ULK4: variants seen among roughly 807,000 people sequenced by gnomAD.
ULK4 encodes the protein unc-51 like kinase 4.
In ULK4, 133 loss-of-function variants were observed where a neutral mutation model predicts 160.6. The ratio of observed to expected loss-of-function variants is 0.83; its 90% confidence interval spans 0.72 to 0.96. ULK4 has a LOEUF of 0.96. Ranked by LOEUF, ULK4 falls within the 40% of genes least tolerant of loss-of-function variation. The probability of loss-of-function intolerance (pLI) is 0.00; values close to 1 mark genes in which losing one functional copy is unlikely to be tolerated. For missense variants in ULK4, 1,580 were observed against 1,499.5 expected, an observed-to-expected ratio of 1.05 and a Z score of -0.89; for synonymous variants, 534 against 539.8, an observed-to-expected ratio of 0.99 and a Z score of 0.15.
chr3:41,814,613 G>A (rs1035573654), intron 19 of ULK4, among the ~76,000 whole-genome samples: 2 of 151,946 alleles, frequency 1.3e-5, no homozygotes, highest in African/African-American at 4.8e-5. Flanking sequence ...CCCTCTTAGG[G>A]TTGCAATTTT....
chr3:41,614,862 C>T (rs1465117710), intron 31 of ULK4, among the ~76,000 whole-genome samples: 1 of 152,204 alleles, frequency 6.6e-6, no homozygotes, highest in Admixed American at 6.5e-5. Context: ...TGCTCCCCTA[C>T]TGATGACCAA....
chr3:41,420,195 G>A (rs762457554), intron 34 of ULK4, among the ~76,000 whole-genome samples: 11 of 151,824 alleles, frequency 7.2e-5, no homozygotes, highest in African/African-American at 2.4e-4. Context: ...TTGTAGGATC[G>A]TTTTTAATAC....
intron 35 of ULK4, among the ~76,000 whole-genome samples, chr3:41,371,338 G>A (rs1466287732): frequency 6.6e-6 from 1 of 152,212 alleles, no homozygotes; most frequent in Non-Finnish European, 1.5e-5. Context: ...TGACCCCCGT[G>A]CCTCCTGATG....
rs58776901 is a variant in ULK4 at position 41,835,981 on chromosome 3, C to CAAAAA, written c.1657-15_1657-11dup. On this transcript the variant is annotated splice_polypyrimidine_tract_variant and intron_variant, in intron 17 of 36. Transcript: ENST00000301831. The stretch of plus-strand genomic sequence containing the variant: ...TTAAGAGAACAATTGCCTGCAAAGA[C>CAAAAA]AAAAAAAAAAAAAGTAAATTATTTC... 378 of 1,179,668 alleles carry CAAAAA rather than the reference C, an allele frequency of 3.2e-4. No homozygotes were observed. Among genetic ancestry groups the CAAAAA allele is most frequent in the African/African-American group, 1.1e-3 (63 of 58,942 alleles). 73.1% of individuals were successfully genotyped at this position (1,179,668 alleles called of 1,614,324 possible). A position where few individuals can be genotyped will look rare whatever the true frequency, so the allele number is the denominator to read the frequency against.
At chr3:41,607,769 G>T (rs947311567) in intron 31 of ULK4, among the ~76,000 whole-genome samples, 5 of 152,106 alleles carry the variant, frequency 3.3e-5, no homozygotes, top group African/African-American at 7.2e-5. Context: ...TCATTAAATA[G>T]AATAAAAAAT....
chr3:41,927,675 CAA>C (rs35242579), intron 5 of ULK4, among the ~76,000 whole-genome samples: 20 of 118,340 alleles, frequency 1.7e-4, no homozygotes, highest in Admixed American at 3.5e-4. Context: ...AAATGGAAAG[CAA>C]AAAAAAAAAA....
chr3:41,961,550 A>ACCG (rs1700669195), intron 1 of ULK4, among the ~76,000 whole-genome samples: 9 of 124,690 alleles, frequency 7.2e-5, no homozygotes, highest in African/African-American at 3.8e-4. Context: ...GTAGTCACTC[A>ACCG]CCCCCCCCCC....
chr3:41,528,748 T>C (rs1253504865), intron 32 of ULK4, among the ~76,000 whole-genome samples: 1 of 152,202 alleles, frequency 6.6e-6, no homozygotes, highest in Non-Finnish European at 1.5e-5. Context: ...CTGTCATGTA[T>C]ATATCGAGTT....
intron 30 of ULK4, among the ~76,000 whole-genome samples, chr3:41,623,965 T>A (rs1179598164): frequency 2.0e-5 from 3 of 152,202 alleles, no homozygotes; most frequent in Non-Finnish European, 4.4e-5. Context: ...CAGTTAAAAA[T>A]AATTTTAAAT....
At chr3:41,539,719 A>G (rs2086630890) in intron 32 of ULK4, among the ~76,000 whole-genome samples, 4 of 152,160 alleles carry the variant, frequency 2.6e-5, no homozygotes, top group Admixed American at 2.0e-4. Flanking sequence ...ACTGAAAACA[A>G]AACTTCAGTA....
At chr3:41,616,091 T>C (rs983734551) in intron 30 of ULK4, among the ~76,000 whole-genome samples, 22 of 152,232 alleles carry the variant, frequency 1.4e-4, no homozygotes, top group African/African-American at 5.3e-4. Flanking sequence ...TGTAATTTTT[T>C]ATATATGCCT....
intron 18 of ULK4, among the ~76,000 whole-genome samples, chr3:41,823,282 A>C (rs2041210926): frequency 1.3e-5 from 2 of 152,176 alleles, no homozygotes; most frequent in South Asian, 4.1e-4. Flanking sequence ...TAGTGGGTTT[A>C]AGGAACTGTG....
chr3:41,507,488 A>T (rs930167735), intron 32 of ULK4, among the ~76,000 whole-genome samples: 3 of 151,930 alleles, frequency 2.0e-5, no homozygotes, highest in Non-Finnish European at 4.4e-5. Context: ...CTAAATGACA[A>T]ATATTCAGAA....
intron 20 of ULK4, among the ~76,000 whole-genome samples, chr3:41,799,110 TAAGG>T (rs1167703289): frequency 6.6e-6 from 1 of 151,932 alleles, no homozygotes; most frequent in Non-Finnish European, 1.5e-5. Context: ...GTTGAGGGCA[TAAGG>T]AAAGAACACA....
chr3:41,541,227 GT>G (rs1268142031), intron 32 of ULK4, among the ~76,000 whole-genome samples: 1 of 152,108 alleles, frequency 6.6e-6, no homozygotes, highest in Admixed American at 6.6e-5. Flanking sequence ...AAGGGGTCCA[GT>G]TTCAGTTTTC....
intron 32 of ULK4, among the ~76,000 whole-genome samples, chr3:41,502,495 C>T (rs942345352): frequency 6.6e-6 from 1 of 152,184 alleles, no homozygotes; most frequent in Admixed American, 6.5e-5. Context: ...CAAAGACTTA[C>T]ATGTGAGTGT....
chr3:41,463,330 A>G, intron 32 of ULK4, 77 bp from the exon 33 acceptor site: 1 of 1,421,758 alleles, frequency 7.0e-7, no homozygotes, highest in Middle Eastern at 1.9e-4. Flanking sequence ...AAAGAGAGGC[A>G]TTCTGGCTCT....
rs553623836 is a variant in ULK4, at chr3:41,395,976, A to C, written c.3678+2103T>G. Among the ~76,000 whole-genome samples, 4 of 152,280 alleles carry C rather than the reference A, an allele frequency of 2.6e-5. No individual in the cohort carries two copies. In the East Asian group the frequency reaches 7.7e-4, roughly 29 times the overall value. On this transcript the variant is annotated intron_variant, in intron 35 of 36. Coordinates refer to ENST00000301831, the MANE Select transcript of ULK4 (RefSeq NM_017886.4). ...AGTAAAGCAAACTAAAAGATGGTAG[A>C]ATCTGTTGATTTTGACCAAGTTGGG...
intron 2 of ULK4, among the ~76,000 whole-genome samples, chr3:41,954,012 T>A (rs1033013896): frequency 3.3e-5 from 5 of 151,758 alleles, no homozygotes; most frequent in African/African-American, 1.2e-4. Context: ...TGAAACCCCG[T>A]CTTTACTAAA....
Sources: gnomAD v4.1 joint callset for allele counts (sites outside exome capture counted in the v4.1 genomes callset) on GRCh38, gnomAD v4.1.1 for gene constraint, MANE v1.5 for transcripts, NCBI Gene and HGNC (gene_info 2026-07-23, HGNC 2026-07-21) for gene names.